The following ANO3 variants were observed in gnomAD, a reference collection of about 807,000 sequenced individuals.
The protein encoded by ANO3 is anoctamin-3.
Under a neutral mutation model 144.8 loss-of-function variants are expected in ANO3, and 99 were observed. That is an observed-to-expected ratio of 0.68 (90% CI 0.58 to 0.81). The LOEUF is 0.81. Ranked by LOEUF, ANO3 falls within the 30% of genes least tolerant of loss-of-function variation. ANO3 has a pLI of 0.00. For synonymous variants in ANO3, 414 were observed against 392.6 expected, an observed-to-expected ratio of 1.05 and a Z score of -0.64; for missense variants, 905 against 1,202.2, an observed-to-expected ratio of 0.75 and a Z score of 3.66.
intron 12 of ANO3, among the ~76,000 whole-genome samples, chr11:26,552,467 C>A (rs913306660): frequency 2.0e-5 from 3 of 151,982 alleles, no homozygotes; most frequent in African/African-American, 7.2e-5. Flanking sequence ...TCAGGGGATA[C>A]TAAATGGGAA....
At chr11:26,358,419 G>A (rs1247476760) in intron 1 of ANO3, among the ~76,000 whole-genome samples, 1 of 151,986 alleles carries the variant, frequency 6.6e-6, no homozygotes. Context: ...ATCCACCTGC[G>A]TCGGCCTCCC....
At chr11:26,437,416 TCA>T (rs1858334146) in intron 1 of ANO3, among the ~76,000 whole-genome samples, 1 of 152,126 alleles carries the variant, frequency 6.6e-6, no homozygotes, top group African/African-American at 2.4e-5. Flanking sequence ...GTCCCCAAGG[TCA>T]CACATTCACT....
chr11:26,392,015 A>G (rs995627709), intron 1 of ANO3, among the ~76,000 whole-genome samples: 9 of 152,052 alleles, frequency 5.9e-5, no homozygotes, highest in African/African-American at 2.2e-4. Flanking sequence ...TTGTTTCCTA[A>G]TGAATCCTCT....
At chr11:26,276,566 A>G (rs1005903817) in intron 1 of ANO3, among the ~76,000 whole-genome samples, 1 of 152,152 alleles carries the variant, frequency 6.6e-6, no homozygotes, top group Non-Finnish European at 1.5e-5. Context: ...CATAAAATGG[A>G]TATTCCCTAA....
intron 1 of ANO3, among the ~76,000 whole-genome samples, chr11:26,278,239 C>T (rs1044591386): frequency 1.3e-5 from 2 of 152,228 alleles, no homozygotes; most frequent in East Asian, 1.9e-4. Flanking sequence ...CTAGGATGAA[C>T]AACATGAAGA....
intron 17 of ANO3, among the ~76,000 whole-genome samples, chr11:26,618,643 C>A (rs1852328886): frequency 1.3e-5 from 2 of 152,110 alleles, no homozygotes; most frequent in Non-Finnish European, 1.5e-5. Context: ...TGCTTAAAAC[C>A]ACTTTTCCAT....
intron 3 of ANO3, among the ~76,000 whole-genome samples, chr11:26,461,164 G>A (rs2134054754): frequency 1.3e-5 from 2 of 152,210 alleles, no homozygotes; most frequent in Admixed American, 1.3e-4. Context: ...GAAAGGGGGA[G>A]AAAGGATTGG....
intron 21 of ANO3, among the ~76,000 whole-genome samples, chr11:26,641,588 TTAGTG>T (rs1483556594): frequency 6.6e-6 from 1 of 152,182 alleles, no homozygotes; most frequent in African/African-American, 2.4e-5. Flanking sequence ...AAGGACCATT[TTAGTG>T]TATAGAGCTT....
intron 1 of ANO3, among the ~76,000 whole-genome samples, chr11:26,315,911 A>G (rs1397214179): frequency 1.3e-5 from 2 of 152,218 alleles, no homozygotes; most frequent in African/African-American, 4.8e-5. Flanking sequence ...ACATAGCCCT[A>G]TTAATATTGA....
intron 3 of ANO3, among the ~76,000 whole-genome samples, chr11:26,450,271 G>T (rs2134035981): frequency 6.6e-6 from 1 of 152,266 alleles, no homozygotes; most frequent in South Asian, 2.1e-4. Flanking sequence ...GGGAAAGATG[G>T]TGAGTAGAAA....
At chr11:26,273,665 C>CAT (rs1346735193) in intron 1 of ANO3, among the ~76,000 whole-genome samples, 1 of 150,464 alleles carries the variant, frequency 6.6e-6, no homozygotes, top group African/African-American at 2.5e-5. Context: ...CACACACACA[C>CAT]ACACACACAA....
chr11:26,358,170 CTTTT>C (rs34078380), intron 1 of ANO3, among the ~76,000 whole-genome samples: 1,206 of 119,654 alleles, frequency 0.01, 12 homozygotes, highest in African/African-American at 0.035. Context: ...ACAATTTCAA[CTTTT>C]TTTTTTTTTT....
intron 8 of ANO3, among the ~76,000 whole-genome samples, chr11:26,531,556 T>TAA (rs1849371698): frequency 6.6e-6 from 1 of 152,192 alleles, no homozygotes. Flanking sequence ...AATAATTAAT[T>TAA]GTAGACCTAT....
chr11:26,616,001 T>C (rs1434887401), intron 17 of ANO3, among the ~76,000 whole-genome samples: 1 of 152,190 alleles, frequency 6.6e-6, no homozygotes, highest in Non-Finnish European at 1.5e-5. Context: ...TGTCTAGTAA[T>C]ATAAACAAGT....
chr11:26,489,341 T>C (rs1284724029), intron 4 of ANO3, among the ~76,000 whole-genome samples: 1 of 152,108 alleles, frequency 6.6e-6, no homozygotes, highest in East Asian at 1.9e-4. Context: ...CGCCTAGATG[T>C]TAGAGATGTA....
intron 14 of ANO3, among the ~76,000 whole-genome samples, chr11:26,580,838 TA>T (rs1204067010): frequency 2.0e-5 from 3 of 151,946 alleles, no homozygotes; most frequent in South Asian, 2.1e-4. Flanking sequence ...AATGTTTATT[TA>T]AAAAAAATGG....
intron 4 of ANO3, among the ~76,000 whole-genome samples, chr11:26,496,142 G>C (rs1260379536): frequency 6.6e-6 from 1 of 152,042 alleles, no homozygotes; most frequent in Admixed American, 6.6e-5. Context: ...TTTTGCATTT[G>C]CAAGCATGCA....
At chr11:26,474,211 A>G in intron 4 of ANO3, 1 of 521,262 alleles carries the variant, frequency 1.9e-6, no homozygotes, top group Non-Finnish European at 2.5e-6. Flanking sequence ...CAATTGAGAG[A>G]AATTAATATT....
intron 1 of ANO3, among the ~76,000 whole-genome samples, chr11:26,388,882 C>G (rs1349313575): frequency 6.6e-6 from 1 of 152,024 alleles, no homozygotes; most frequent in Non-Finnish European, 1.5e-5. Flanking sequence ...CCTGTACACA[C>G]GTTTACTACA....
Sources: allele counts gnomAD v4.1 joint callset (sites outside exome capture counted in the v4.1 genomes callset), GRCh38; gene constraint gnomAD v4.1.1; transcripts MANE v1.5; gene names NCBI Gene and HGNC (gene_info 2026-07-23, HGNC 2026-07-21).